The following AVEN variants were observed in gnomAD, a reference collection of about 807,000 sequenced individuals.
AVEN encodes the protein apoptosis and caspase activation inhibitor.
A neutral mutation model predicts 38.1 loss-of-function variants in AVEN; 41 were observed. The observed-to-expected ratio is 1.08, with a 90% CI of 0.84 to 1.40. The LOEUF (loss-of-function observed/expected upper bound fraction) is 1.40, where lower values mean the gene tolerates loss of function less well. Ranked by LOEUF, AVEN falls within the 40% of genes most tolerant of loss-of-function variation. The probability of loss-of-function intolerance (pLI) is 0.00; values close to 1 mark genes in which losing one functional copy is unlikely to be tolerated. For missense variants in AVEN, 605 were observed against 438.8 expected, an observed-to-expected ratio of 1.38 and a Z score of -3.38; for synonymous variants, 206 against 171.8, an observed-to-expected ratio of 1.20 and a Z score of -1.56.
chr15:33,863,513 G>A (rs562821335), downstream of AVEN, among the ~76,000 whole-genome samples: 15 of 152,204 alleles, frequency 9.9e-5, no homozygotes, highest in Admixed American at 5.2e-4. Flanking sequence ...CTTTGGAAAC[G>A]GTCTCTGAGA....
At chr15:34,005,140 T>C (rs1188593954) in intron 1 of AVEN, among the ~76,000 whole-genome samples, 1 of 152,148 alleles carries the variant, frequency 6.6e-6, no homozygotes, top group Non-Finnish European at 1.5e-5. Context: ...TCTATGTATA[T>C]ATTTATATAT....
intron 5 of AVEN, among the ~76,000 whole-genome samples, chr15:34,053,319 A>AAAATATAT (rs775436850): frequency 1.4e-4 from 6 of 42,066 alleles, no homozygotes; most frequent in Non-Finnish European, 1.9e-4. Flanking sequence ...AAAAAAAAAA[A>AAAATATAT]ATATATATAT....
At chr15:33,936,990 G>A (rs543239369) in intron 2 of AVEN, among the ~76,000 whole-genome samples, 134 of 151,762 alleles carry the variant, frequency 8.8e-4, no homozygotes, top group Non-Finnish European at 1.5e-3. Context: ...AATTAGCCGG[G>A]CATGGTGGCG....
intron 5 of AVEN, among the ~76,000 whole-genome samples, chr15:34,052,249 A>G (rs1190322853): frequency 6.6e-6 from 1 of 152,162 alleles, no homozygotes; most frequent in Admixed American, 6.5e-5. Context: ...AAAAAAAACC[A>G]CATGATTATC....
intron 2 of AVEN, among the ~76,000 whole-genome samples, chr15:33,930,212 TAAGA>T (rs1165341542): frequency 1.3e-5 from 2 of 152,150 alleles, no homozygotes; most frequent in Non-Finnish European, 2.9e-5. Context: ...TTTCCTACTC[TAAGA>T]GTGAGCAGAA....
intron 1 of AVEN, chr15:34,018,440 C>A (rs1037148580): frequency 2.6e-5 from 4 of 152,248 alleles, no homozygotes; most frequent in African/African-American, 4.8e-5. Context: ...TCCCTGACTT[C>A]AGAAGTGAAG....
At chr15:33,858,187 T>C (rs2079906827), downstream of AVEN, 1 of 390,018 alleles carries the variant, frequency 2.6e-6, no homozygotes, top group African/African-American at 2.0e-5. Context: ...TTCATCTATT[T>C]CCGGGGTAAA....
At chr15:34,050,516 G>A (rs181285985) in intron 5 of AVEN, among the ~76,000 whole-genome samples, 4 of 152,170 alleles carry the variant, frequency 2.6e-5, no homozygotes, top group African/African-American at 7.2e-5. Context: ...AACCTTAAAC[G>A]TAAATAGGCT....
At chr15:34,047,405 G>C (rs2684949) in intron 5 of AVEN, among the ~76,000 whole-genome samples, 150,704 of 152,300 alleles carry the variant, frequency 0.99, 74,585 homozygotes, top group Middle Eastern at 1. Context: ...ATACTCCAAC[G>C]CTGGGATCCC....
chr15:33,906,021 T>C (rs991076420), intron 2 of AVEN, among the ~76,000 whole-genome samples: 1 of 152,170 alleles, frequency 6.6e-6, no homozygotes, highest in East Asian at 1.9e-4. Flanking sequence ...CATATAGCCA[T>C]GAAGGCATGC....
chr15:33,885,475 G>A (rs144435007), intron 2 of AVEN: 5 of 152,238 alleles, frequency 3.3e-5, no homozygotes, highest in South Asian at 2.1e-4. Context: ...TAAAACAAGC[G>A]ACACCTAACA....
chr15:33,882,709 AAAAAT>A (rs969717447), intron 2 of AVEN, among the ~76,000 whole-genome samples: 4 of 152,128 alleles, frequency 2.6e-5, no homozygotes, highest in African/African-American at 7.2e-5. Flanking sequence ...TCTATTTAAA[AAAAAT>A]AAAATAAAAG....
chr15:33,854,720 A>C (rs769209528), downstream of AVEN: 12 of 1,569,298 alleles, frequency 7.6e-6, no homozygotes, highest in Non-Finnish European at 1.0e-5. Context: ...TAATGAGCAC[A>C]CTATGAGGCA....
intron 2 of AVEN, among the ~76,000 whole-genome samples, chr15:33,905,826 GA>G (rs36006399): frequency 0.57 from 80,769 of 142,876 alleles, 22,631 homozygotes; most frequent in Middle Eastern, 0.67. Flanking sequence ...TTTCGGGAAA[GA>G]AAAAAAAAAA....
chr15:33,957,968 G>C (rs1019889314), intron 2 of AVEN, among the ~76,000 whole-genome samples: 2 of 152,154 alleles, frequency 1.3e-5, no homozygotes, highest in African/African-American at 4.8e-5. Context: ...CCTCACCCCA[G>C]ATCTACTAAA....
intron 2 of AVEN, among the ~76,000 whole-genome samples, chr15:33,998,533 C>T (rs1441175093): frequency 1.3e-5 from 2 of 152,164 alleles, no homozygotes; most frequent in Admixed American, 1.3e-4. Context: ...ATTCTCCTTT[C>T]CTTTATAACA....
chr15:34,027,742 C>A (rs1898556185), intron 1 of AVEN, among the ~76,000 whole-genome samples: 1 of 151,348 alleles, frequency 6.6e-6, no homozygotes, highest in South Asian at 2.1e-4. Context: ...TGCAAACAGT[C>A]CTATTACCAG....
chr15:33,854,518 T>C (rs534077634), downstream of AVEN: 56 of 1,319,780 alleles, frequency 4.2e-5, no homozygotes, highest in Admixed American at 7.6e-5. Context: ...AAGCAAGCTA[T>C]GCAGGATGCT....
At chr15:34,019,599 A>G (rs1898113411) in intron 1 of AVEN, among the ~76,000 whole-genome samples, 1 of 152,194 alleles carries the variant, frequency 6.6e-6, no homozygotes, top group African/African-American at 2.4e-5. Context: ...AAAGCACCCC[A>G]TACAGGTTTA....
Sources: allele counts gnomAD v4.1 joint callset (sites outside exome capture counted in the v4.1 genomes callset), GRCh38; gene constraint gnomAD v4.1.1; transcripts MANE v1.5; gene names NCBI Gene and HGNC (gene_info 2026-07-23, HGNC 2026-07-21).